The following SRCIN1 variants were observed in gnomAD, a reference collection of about 807,000 sequenced individuals.
The protein encoded by SRCIN1 is SRC kinase signaling inhibitor 1, also known as P130Cas-associated protein.
In SRCIN1, 50 loss-of-function variants were observed where a neutral mutation model predicts 116.2. The ratio of observed to expected loss-of-function variants is 0.43; its 90% CI spans 0.34 to 0.54. SRCIN1 has a LOEUF of 0.54. Ranked by LOEUF, SRCIN1 falls within the 20% of genes least tolerant of loss-of-function variation. SRCIN1 has a pLI of 0.02. For missense variants in SRCIN1, 1,446 were observed against 1,672.0 expected (o/e 0.86, Z 2.36); for synonymous variants, 736 against 750.0 (o/e 0.98, Z 0.30).
Position 38,578,641 on chromosome 17 carries a change from G to A in SRCIN1, c.173C>T (p.Thr58Met). ...CTCCAGACTCTGGGCCGCGATCACC[G>A]TGTGCCGCCGCTCGGACGTGTGCAC... ...GLVHTSERRHTVIAAQSLEAL... is the reference protein window; with the variant it reads ...GLVHTSERRHMVIAAQSLEAL... The change falls in exon 2 of 19, where the codon ACG becomes ATG. Residue 58 changes from threonine (T) to methionine (M), a missense_variant. Thr to Met is a moderately conservative substitution (Grantham distance 81, BLOSUM62 -1). This residue lies in a region of SRCIN1 where 246 missense variants were observed against 265.1 expected (regional missense o/e 0.93). Transcript: ENST00000617146. 1.9e-6 allele frequency: 3 copies of A among 1,597,214 alleles called. No homozygotes were observed. The highest frequency in any genetic ancestry group is 2.6e-6 in the Non-Finnish European group (3 of 1,173,292).
At chr17:38,547,046 A>G in intron 17 of SRCIN1, among the ~76,000 whole-genome samples, 1 of 152,250 alleles carries the variant, frequency 6.6e-6, no homozygotes, top group Admixed American at 6.5e-5. Context: ...CCAGGAAAGA[A>G]TAAAGAGGAA....
At position 38,544,092 on chromosome 17, in the gene SRCIN1, G is replaced by T; in HGVS notation, c.3271-123C>A. On this transcript the variant is annotated intron_variant, in intron 17 of 18. Transcript: ENST00000617146. This position sits in a 1 kb window ranked among gnomAD's most constrained non-coding sequence, Gnocchi z 4.5. Reference sequence around the variant, plus strand: ...TCAGTGGGGCCCTTTGAGACCTGGAGACCCCTCTCTAGCTCCACACCCGAG... The same window carrying T: ...TCAGTGGGGCCCTTTGAGACCTGGATACCCCTCTCTAGCTCCACACCCGAG... 8.2e-7 allele frequency: 1 copy of T among 1,219,902 alleles called. No individual in the cohort carries two copies. The highest frequency in any genetic ancestry group is 1.1e-6 in the Non-Finnish European group (1 of 900,210). The allele number at this position is 1,219,902 out of a possible 1,614,324, so 75.6% of individuals were successfully genotyped here.
intron 18 of SRCIN1, among the ~76,000 whole-genome samples, chr17:38,538,668 T>G (rs967071832): frequency 6.6e-6 from 1 of 152,158 alleles, no homozygotes; most frequent in Non-Finnish European, 1.5e-5. Context: ...GCTTTATTGA[T>G]CTATTCGACC....
At position 38,564,326 on chromosome 17, in the gene SRCIN1, G is replaced by A. The variant is rs1335182321; in HGVS notation, c.346-13C>T. 5 of 1,533,582 alleles carry A rather than the reference G, an allele frequency of 3.3e-6. No individual in the cohort carries two copies. The highest frequency in any genetic ancestry group is 8.7e-7 in the Non-Finnish European group (1 of 1,144,032). The allele number at this position is 1,533,582 out of a possible 1,614,324, so 95.0% of individuals were successfully genotyped here. A position where few individuals can be genotyped will look rare whatever the true frequency, so the allele number is the denominator to read the frequency against. ...GTGAGCTGCGGGTCTGCAGGGGCCG[G>A]GCAGGGTGAGAGGAACCAAGGATGA... On this transcript the variant is annotated splice_polypyrimidine_tract_variant and intron_variant, in intron 3 of 18. Transcript: ENST00000617146.
rs1441360376 is a variant in SRCIN1, at chr17:38,564,253, G to C, written c.406C>G (p.Leu136Val). The C allele has an allele frequency of 1.9e-6, 3 of 1,575,914 alleles. No homozygotes were observed. The highest frequency in any genetic ancestry group is 2.6e-6 in the Non-Finnish European group (3 of 1,163,006). Residue 136 changes from leucine (L) to valine (V), a missense_variant, in exon 4 of 19, where the codon CTG (leucine) becomes GTG (valine). Around this residue, in one of 5 missense-constraint regions of SRCIN1, gnomAD observed 246 missense variants for 265.1 expected, o/e 0.93. Coordinates refer to ENST00000617146, the MANE Select transcript of SRCIN1 (RefSeq NM_025248.3). ...AGCGACTCGGCGGAGGCGTAGGACA[G>C]CTTTGCCGCCTGGTCTGCCAGCCCG... ...QPGLADQAAK[L>V]SYASAESLET... is the part of the protein sequence containing the mutation.
At position 38,568,104 on chromosome 17, in the gene SRCIN1, T is replaced by C; in HGVS notation, c.345+107A>G. 2 of 1,365,450 alleles carry C rather than the reference T, an allele frequency of 1.5e-6. No individual in the cohort carries two copies. Among genetic ancestry groups the C allele is most frequent in the Non-Finnish European group, 2.1e-6 (2 of 969,836 alleles). The allele number at this position is 1,365,450 out of a possible 1,614,324, so 84.6% of individuals were successfully genotyped here. A position where few individuals can be genotyped will look rare whatever the true frequency, so the allele number is the denominator to read the frequency against. ...GGCCCACCGCCCATACCAGAAGGTG[T>C]CCGTGCAGATGCGCACCCCGGTGCA... On this transcript the variant is annotated intron_variant, in intron 3 of 18. Coordinates refer to ENST00000617146, the MANE Select transcript of SRCIN1 (RefSeq NM_025248.3). The surrounding 1 kb of genome is among the most constrained non-coding windows in gnomAD (Gnocchi z 4.5).
rs1375883576 is a variant in SRCIN1, at chr17:38,559,736, G to C, written c.1874C>G (p.Pro625Arg). 1.9e-6 allele frequency: 3 copies of C among 1,548,170 alleles called. No homozygotes were observed. The highest frequency in any genetic ancestry group is 2.6e-6 in the Non-Finnish European group (3 of 1,156,150). The change falls in exon 10 of 19, where the codon CCG becomes CGG. Residue 625 changes from proline (P) to arginine (R), a missense_variant. Physicochemically the swap from Pro to Arg is moderately radical, Grantham distance 103. This residue lies in a region of SRCIN1 where 398 missense variants were observed against 385.6 expected (regional missense o/e 1.03). Transcript: ENST00000617146. ...CGAGGGCGGGGGCGGGCCGGACACC[G>C]GGGTGGCCCCGCTGCTCCGGCCGCC... The part of the protein sequence containing the change: ...GSGGRSSGAT[P>R]VSGPPPPSAS...
Position 38,548,626 on chromosome 17 carries a change from G to A in SRCIN1, c.3201C>T (p.Ser1067=), listed in dbSNP as rs1905206402. Residue 1067 remains serine, a synonymous_variant, in exon 17 of 19, where the codon TCC becomes TCT. Transcript: ENST00000617146. ...RAVSEVARPA[S]TPPIMASAIK... ...TGGCCGAGGCCATGATGGGTGGTGT[G>A]GAGGCTGGGCGGGCCACCTCAGACA... 1 of 1,613,204 alleles carries A rather than the reference G, an allele frequency of 6.2e-7. No individual in the cohort carries two copies. Among genetic ancestry groups the A allele is most frequent in the Non-Finnish European group, 8.5e-7 (1 of 1,179,788 alleles).
rs183115144 is a variant in SRCIN1, at chr17:38,533,005, G to A, written c.*292C>T. 1.7e-3 allele frequency: 393 copies of A among 229,942 alleles called. 1 individual carries two copies. The highest frequency in any genetic ancestry group is 8.2e-3 in the African/African-American group (358 of 43,794). The allele number at this position is 229,942 out of a possible 1,614,324, so 14.2% of individuals were successfully genotyped here. On this transcript the variant is annotated 3_prime_UTR_variant, in exon 19 of 19. Coordinates refer to ENST00000617146, the MANE Select transcript of SRCIN1 (RefSeq NM_025248.3). ...GAAGAAGGAGAGATGTGACAGGTGC[G>A]GCCAGCGAGAGGCCAGCTGGGATCA...
chr17:38,575,107 TG>T (rs1907335234), intron 2 of SRCIN1: 4 of 397,874 alleles, frequency 1.0e-5, no homozygotes, highest in Admixed American at 4.4e-5. Context: ...GGTCTAGCGA[TG>T]CTGGCAAGTC....
rs2143245366 is a variant in SRCIN1, at chr17:38,568,077, G to C, written c.345+134C>G. The stretch of plus-strand genomic sequence containing the variant: ...AGCAGCAGCCACAGCCTGCAGCCCC[G>C]AGGCCCACCGCCCATACCAGAAGGT... On this transcript the variant is annotated intron_variant, in intron 3 of 18. Transcript: ENST00000617146. The surrounding 1 kb of genome is among the most constrained non-coding windows in gnomAD (Gnocchi z 4.5). The C allele has an allele frequency of 1.8e-6, 2 of 1,100,164 alleles. No homozygotes were observed. The highest frequency in any genetic ancestry group is 2.7e-6 in the Non-Finnish European group (2 of 738,802). The allele number at this position is 1,100,164 out of a possible 1,614,324, so 68.2% of individuals were successfully genotyped here. A position where few individuals can be genotyped will look rare whatever the true frequency, so the allele number is the denominator to read the frequency against.
chr17:38,553,492 G>A (rs1400198389), intron 11 of SRCIN1, among the ~76,000 whole-genome samples: 1 of 151,858 alleles, frequency 6.6e-6, no homozygotes, highest in East Asian at 1.9e-4. Context: ...GCCTTTCAAA[G>A]AACCAGAGGC....
intron 18 of SRCIN1, chr17:38,542,590 G>A (rs114346343): frequency 0.013 from 2,032 of 155,332 alleles, 49 homozygotes; most frequent in African/African-American, 0.046. Context: ...GGGGCCATGA[G>A]GAGGCAGGTG....
intron 7 of SRCIN1, among the ~76,000 whole-genome samples, chr17:38,560,905 C>T (rs377125875): frequency 2.8e-4 from 42 of 152,360 alleles, no homozygotes; most frequent in African/African-American, 9.4e-4. Context: ...TGCTCAGCAG[C>T]GCTGCCTGAG....
rs767524591 is a variant in SRCIN1 at position 38,560,341 on chromosome 17, C to G, written c.1785G>C (p.Glu595Asp). 5.0e-6 allele frequency: 8 copies of G among 1,609,206 alleles called. No homozygotes were observed. Among genetic ancestry groups the G allele is most frequent in the Non-Finnish European group, 6.8e-6 (8 of 1,177,804 alleles). ...QSALLRGSEP[E>D]TPSEKIEGSN... ...TGGGAGAGGGGCCTCACCTGGGGGT[C>G]TCAGGCTCAGAGCCTCGCAGTAAGG... The change falls in exon 8 of 19, where the codon GAG becomes GAC. Residue 595 changes from glutamate (E) to aspartate (D), a missense_variant. Physicochemically the swap from Glu to Asp is conservative, Grantham distance 45 (BLOSUM62 2). Transcript: ENST00000617146.
In SRCIN1 at chr17:38,552,929, G is replaced by A; in HGVS notation, c.2202-74C>T. On this transcript the variant is annotated intron_variant, in intron 11 of 18. Transcript: ENST00000617146. This position sits in a 1 kb window ranked among gnomAD's most constrained non-coding sequence, Gnocchi z 5.3. ...CCCAGCCCCCTGAAATTGGGCAACT[G>A]GAAAGAAATCAGGCCACCAGTTGGA... 1 of 1,551,308 alleles carries A rather than the reference G, an allele frequency of 6.4e-7. No homozygotes were observed. Among genetic ancestry groups the A allele is most frequent in the Non-Finnish European group, 8.7e-7 (1 of 1,149,360 alleles).
At chr17:38,553,326 A>G (rs974737046) in intron 11 of SRCIN1, among the ~76,000 whole-genome samples, 1 of 152,222 alleles carries the variant, frequency 6.6e-6, no homozygotes, top group African/African-American at 2.4e-5. Flanking sequence ...GCCAAATCTC[A>G]GAGATGAGGA....
At chr17:38,546,022 C>T (rs1242130618) in intron 17 of SRCIN1, among the ~76,000 whole-genome samples, 1 of 152,212 alleles carries the variant, frequency 6.6e-6, no homozygotes, top group Non-Finnish European at 1.5e-5. Flanking sequence ...GGGCTTGCCC[C>T]CTGACAAATC....
intron 2 of SRCIN1, among the ~76,000 whole-genome samples, chr17:38,574,499 CG>C (rs953351605): frequency 2.0e-5 from 3 of 152,024 alleles, no homozygotes; most frequent in African/African-American, 4.8e-5. Flanking sequence ...TGCTCAGAAA[CG>C]GAAGGGGAGG....
Sources: allele counts gnomAD v4.1 joint callset (sites outside exome capture counted in the v4.1 genomes callset), GRCh38; gene constraint gnomAD v4.1.1; regional missense constraint gnomAD v4.1.1; non-coding constraint Gnocchi (gnomAD v3.1); transcripts MANE v1.5; gene names NCBI Gene and HGNC (gene_info 2026-07-23, HGNC 2026-07-21).